The following CADM2 variants were observed in gnomAD, a reference collection of about 807,000 sequenced individuals.
CADM2 encodes immunoglobulin superfamily member 4D.
A neutral mutation model predicts 49.8 loss-of-function variants in CADM2; 12 were observed. The ratio of observed to expected loss-of-function variants is 0.24; its 90% CI spans 0.15 to 0.39. The LOEUF is 0.39. CADM2 is among the 10% of genes least tolerant of loss of function. The probability of loss-of-function intolerance (pLI) is 1.00; values close to 1 mark genes in which losing one functional copy is unlikely to be tolerated. For synonymous variants in CADM2, 214 were observed against 175.4 expected (o/e 1.22, Z -1.74); for missense variants, 378 against 492.3 (o/e 0.77, Z 2.20).
At chr3:85,776,225 T>C (rs1186536026) in intron 2 of CADM2, among the ~76,000 whole-genome samples, 1 of 151,650 alleles carries the variant, frequency 6.6e-6, no homozygotes, top group African/African-American at 2.4e-5. Flanking sequence ...TTGAGAAAAA[T>C]ACATCTTTAA....
Position 85,423,370 on chromosome 3 carries a change from C to T in CADM2, c.62-303152C>T, listed in dbSNP as rs575713071. Among the ~76,000 whole-genome samples the T allele has an allele frequency of 9.9e-5, 15 of 152,204 alleles. No individual in the cohort carries two copies. In the South Asian group the frequency reaches 2.1e-3, roughly 21 times the overall value. ...GAATGCCTGTTCTCATTTAGGGCCA[C>T]GGGTCCAGACTTGAGGTTGGAGCCC... On this transcript the variant is annotated intron_variant, in intron 1 of 9. Transcript: ENST00000383699.
chr3:85,347,598 CAT>C (rs780228121), intron 1 of CADM2, among the ~76,000 whole-genome samples: 2,664 of 125,268 alleles, frequency 0.021, 71 homozygotes, highest in African/African-American at 0.08. Flanking sequence ...CATATATATA[CAT>C]ATATATAAAA....
chr3:85,620,649 C>A (rs1406968595), intron 1 of CADM2, among the ~76,000 whole-genome samples: 1 of 151,972 alleles, frequency 6.6e-6, no homozygotes, highest in Non-Finnish European at 1.5e-5. Flanking sequence ...CAAAATGTTT[C>A]TAAAATAAAT....
At chr3:85,989,203 G>T (rs1728472704) in intron 8 of CADM2, among the ~76,000 whole-genome samples, 1 of 152,168 alleles carries the variant, frequency 6.6e-6, no homozygotes, top group Non-Finnish European at 1.5e-5. Context: ...CTTTTTAACA[G>T]AAGGACAGGC....
chr3:85,809,484 G>A (rs770204985), intron 3 of CADM2, among the ~76,000 whole-genome samples: 271 of 152,058 alleles, frequency 1.8e-3, no homozygotes, highest in Non-Finnish European at 1.6e-3. Context: ...CCAGCTACTC[G>A]GGAGTCTGAA....
In CADM2 at chr3:85,935,016, C is replaced by T. The variant is rs574486108; in HGVS notation, c.701-751C>T. 1.0e-3 allele frequency among the ~76,000 whole-genome samples: 159 copies of T among 151,998 alleles called. 1 individual carries two copies. Among genetic ancestry groups the T allele is most frequent in the African/African-American group, 3.5e-3 (147 of 41,514 alleles). ...TTTTTGAGCTTATTTTCCATTTTTT[C>T]TATGAAATATGTTACCTTTGTGTTG... On this transcript the variant is annotated intron_variant, in intron 6 of 9. Transcript: ENST00000383699.
At chr3:85,087,728 C>A (rs2037436748) in intron 1 of CADM2, among the ~76,000 whole-genome samples, 1 of 152,046 alleles carries the variant, frequency 6.6e-6, no homozygotes. Context: ...TTATTGAATG[C>A]ACACATGTTG....
intron 3 of CADM2, among the ~76,000 whole-genome samples, chr3:85,815,686 A>G (rs2073163335): frequency 6.6e-6 from 1 of 152,190 alleles, no homozygotes; most frequent in Admixed American, 6.5e-5. Flanking sequence ...AAACCGGTGC[A>G]AGACAAGGTT....
intron 1 of CADM2, among the ~76,000 whole-genome samples, chr3:85,202,493 C>T (rs1405059041): frequency 6.6e-6 from 1 of 152,010 alleles, no homozygotes; most frequent in African/African-American, 2.4e-5. Context: ...TTTTTTTCTC[C>T]AAGCAGTAGG....
At chr3:85,369,459 C>A (rs558781372) in intron 1 of CADM2, among the ~76,000 whole-genome samples, 2 of 152,084 alleles carry the variant, frequency 1.3e-5, no homozygotes, top group South Asian at 2.1e-4. Flanking sequence ...ATGGCGAAAC[C>A]CCATCTCTAC....
At chr3:86,033,860 T>A (rs1429781078) in intron 8 of CADM2, among the ~76,000 whole-genome samples, 1 of 148,396 alleles carries the variant, frequency 6.7e-6, no homozygotes, top group Non-Finnish European at 1.5e-5. Context: ...TATTTATATA[T>A]AACAAATCCC....
At chr3:85,104,386 T>C (rs1157294551) in intron 1 of CADM2, among the ~76,000 whole-genome samples, 1 of 152,118 alleles carries the variant, frequency 6.6e-6, no homozygotes, top group African/African-American at 2.4e-5. Flanking sequence ...CTGAGGGCTC[T>C]GTTCTGTTCC....
chr3:85,610,069 T>C (rs2063637779), intron 1 of CADM2, among the ~76,000 whole-genome samples: 2 of 152,026 alleles, frequency 1.3e-5, no homozygotes, highest in African/African-American at 4.8e-5. Flanking sequence ...ATGATATGTA[T>C]ATTTTATTTG....
At chr3:85,600,686 C>T (rs1277904615) in intron 1 of CADM2, among the ~76,000 whole-genome samples, 2 of 151,248 alleles carry the variant, frequency 1.3e-5, no homozygotes, top group Non-Finnish European at 3.0e-5. Flanking sequence ...TTTCAGAATA[C>T]AACACATGAT....
chr3:85,718,104 T>G (rs1436706547), intron 1 of CADM2, among the ~76,000 whole-genome samples: 1 of 152,160 alleles, frequency 6.6e-6, no homozygotes, highest in African/African-American at 2.4e-5. Flanking sequence ...TCAATAAATA[T>G]TTCTTACACC....
chr3:86,001,721 T>C (rs151155283), intron 8 of CADM2, among the ~76,000 whole-genome samples: 34 of 152,240 alleles, frequency 2.2e-4, no homozygotes, highest in African/African-American at 7.5e-4. Context: ...AGTAGGAAAC[T>C]AGGTGATCCA....
At chr3:85,332,239 T>A (rs1014279960) in intron 1 of CADM2, among the ~76,000 whole-genome samples, 2 of 152,040 alleles carry the variant, frequency 1.3e-5, no homozygotes, top group African/African-American at 4.8e-5. Flanking sequence ...GCAAGCTGAA[T>A]TTTTACTGTT....
At chr3:85,752,866 AC>A (rs1287092822) in intron 2 of CADM2, among the ~76,000 whole-genome samples, 30 of 152,316 alleles carry the variant, frequency 2.0e-4, no homozygotes, top group African/African-American at 6.5e-4. Flanking sequence ...AATCCAAAAA[AC>A]ATTGGCCAAT....
intron 3 of CADM2, among the ~76,000 whole-genome samples, chr3:85,842,595 A>T (rs1434016160): frequency 1.3e-5 from 2 of 152,110 alleles, no homozygotes; most frequent in African/African-American, 4.8e-5. Flanking sequence ...ATGAGGTAAC[A>T]TCACATGTCT....
Sources: allele counts gnomAD v4.1 joint callset (sites outside exome capture counted in the v4.1 genomes callset), GRCh38; gene constraint gnomAD v4.1.1; transcripts MANE v1.5; gene names NCBI Gene and HGNC (gene_info 2026-07-23, HGNC 2026-07-21).